The following ZDHHC17 variants were observed in gnomAD, a reference collection of about 807,000 sequenced individuals.
The protein encoded by ZDHHC17 is palmitoyltransferase ZDHHC17.
A neutral mutation model predicts 90.3 loss-of-function variants in ZDHHC17; 40 were observed. The observed-to-expected ratio is 0.44, with a 90% CI of 0.34 to 0.58. The LOEUF (loss-of-function observed/expected upper bound fraction) is 0.58, where lower values mean the gene tolerates loss of function less well. Ranked by LOEUF, ZDHHC17 falls within the 20% of genes least tolerant of loss-of-function variation. The pLI, the probability that ZDHHC17 is intolerant of heterozygous loss-of-function variation, is 0.01. For synonymous variants in ZDHHC17, 235 were observed against 252.4 expected (o/e 0.93, Z 0.65); for missense variants, 614 against 780.8 (o/e 0.79, Z 2.55).
chr12:76,829,455 CAAAAA>C (rs58051393), intron 10 of ZDHHC17, among the ~76,000 whole-genome samples: 8 of 71,904 alleles, frequency 1.1e-4, no homozygotes, highest in East Asian at 1.4e-3. Context: ...GACTATGTCT[CAAAAA>C]AAAAAAAAAA....
At chr12:76,850,337 T>C (rs1178544335) in intron 16 of ZDHHC17, among the ~76,000 whole-genome samples, 1 of 152,192 alleles carries the variant, frequency 6.6e-6, no homozygotes, top group Admixed American at 6.6e-5. Flanking sequence ...TTCATGCTAT[T>C]TATAATTATT....
chr12:76,837,192 G>C (rs555419025), intron 10 of ZDHHC17, among the ~76,000 whole-genome samples: 1 of 152,178 alleles, frequency 6.6e-6, no homozygotes, highest in South Asian at 2.1e-4. Context: ...CTGGAGTGCA[G>C]TGGCGTGATC....
intron 1 of ZDHHC17, among the ~76,000 whole-genome samples, chr12:76,776,525 A>G (rs1952562606): frequency 2.0e-5 from 3 of 152,194 alleles, no homozygotes; most frequent in East Asian, 3.8e-4. Context: ...ATGTTATGTT[A>G]TAAAATCTGT....
chr12:76,816,472 C>T (rs1325285769), intron 7 of ZDHHC17, among the ~76,000 whole-genome samples: 1 of 152,028 alleles, frequency 6.6e-6, no homozygotes, highest in Non-Finnish European at 1.5e-5. Flanking sequence ...GCAACGAACT[C>T]GTTCTGCGAA....
Position 76,764,164 on chromosome 12 carries a change from G to T in ZDHHC17, c.-73G>T. 8.3e-7 allele frequency: 1 copy of T among 1,208,074 alleles called. No homozygotes were observed. The highest frequency in any genetic ancestry group is 2.7e-5 in the Admixed American group (1 of 37,532). 74.8% of individuals were successfully genotyped at this position (1,208,074 alleles called of 1,614,324 possible). ...GGAGGAGGCCCGCGTCGCCTCCGGC[G>T]GGGCTCGCGCTCGCCCCGCGCTCGC... On this transcript the variant is annotated 5_prime_UTR_variant, in exon 1 of 17. Coordinates refer to ENST00000426126, the MANE Select transcript of ZDHHC17 (RefSeq NM_015336.4).
chr12:76,810,086 A>G (rs879374004), intron 5 of ZDHHC17, among the ~76,000 whole-genome samples: 10 of 152,226 alleles, frequency 6.6e-5, no homozygotes, highest in Non-Finnish European at 1.3e-4. Flanking sequence ...TATTTCTAAG[A>G]GTAATGGAGA....
chr12:76,804,945 A>G (rs1026902108), intron 2 of ZDHHC17, among the ~76,000 whole-genome samples: 15 of 152,166 alleles, frequency 9.9e-5, no homozygotes, highest in Admixed American at 7.9e-4. Flanking sequence ...CTTCTAAATC[A>G]TTTATATGCA....
chr12:76,842,850 ATAG>A (rs1467748188), intron 11 of ZDHHC17, 66 bp from the exon 12 acceptor site: 1 of 1,110,078 alleles, frequency 9.0e-7, no homozygotes, highest in Non-Finnish European at 1.3e-6. Flanking sequence ...TTATTGATTC[ATAG>A]TGGTGGCAAA....
intron 14 of ZDHHC17, among the ~76,000 whole-genome samples, chr12:76,847,616 G>A (rs1424991175): frequency 6.6e-6 from 1 of 152,216 alleles, no homozygotes; most frequent in African/African-American, 2.4e-5. Context: ...AACTTTGGGA[G>A]GCAGAGGCAG....
At chr12:76,835,629 T>G (rs1953353935) in intron 10 of ZDHHC17, among the ~76,000 whole-genome samples, 1 of 152,158 alleles carries the variant, frequency 6.6e-6, no homozygotes, top group Non-Finnish European at 1.5e-5. Context: ...TTATTATTTC[T>G]AATAACTTGG....
chr12:76,818,649 C>G (rs1953119952), intron 7 of ZDHHC17, among the ~76,000 whole-genome samples: 2 of 152,152 alleles, frequency 1.3e-5, no homozygotes, highest in Admixed American at 6.5e-5. Context: ...TGTAGAGGAA[C>G]ATGCAAGTGC....
Position 76,804,654 on chromosome 12 carries a change from G to A in ZDHHC17, c.198-663G>A, listed in dbSNP as rs376296035. Reference sequence around the variant, plus strand: ...CAAAACTTAAGCGTGGAAAAGGACGGGGTAAGGGGGATAATAAAACTTAGG... The same window carrying A: ...CAAAACTTAAGCGTGGAAAAGGACGAGGTAAGGGGGATAATAAAACTTAGG... On this transcript the variant is annotated intron_variant, in intron 2 of 16. Transcript: ENST00000426126. Among the ~76,000 whole-genome samples the A allele has an allele frequency of 6.4e-4, 97 of 152,272 alleles. 1 individual carries two copies. The highest frequency in any genetic ancestry group is 2.0e-3 in the African/African-American group (84 of 41,548).
chr12:76,837,937 G>A (rs1029298597), intron 10 of ZDHHC17, among the ~76,000 whole-genome samples: 4 of 152,078 alleles, frequency 2.6e-5, no homozygotes, highest in African/African-American at 7.2e-5. Context: ...ATAGGTGCAT[G>A]CCACCATGTC....
chr12:76,769,150 C>T (rs1262573986), intron 1 of ZDHHC17: 2 of 353,098 alleles, frequency 5.7e-6, no homozygotes, highest in Non-Finnish European at 1.2e-5. Context: ...CCTCAGCCTC[C>T]TGCGTTCAAG....
rs1466901414 is a variant in ZDHHC17 at position 76,788,696 on chromosome 12, T to A, written c.94-8738T>A. Among the ~76,000 whole-genome samples the A allele has an allele frequency of 2.9e-4, 38 of 129,164 alleles. 3 individuals are homozygous for A. The highest frequency in any genetic ancestry group is 8.4e-4 in the African/African-American group (29 of 34,470). The allele number at this position is 129,164 out of a possible 152,430, so 84.7% of individuals were successfully genotyped here. A position where few individuals can be genotyped will look rare whatever the true frequency, so the allele number is the denominator to read the frequency against. ...TTTAAGTTGGAATCGCAATTTTTTT[T>A]TTTTTTTTTTTTTTTTTTGAGCAGA... On this transcript the variant is annotated intron_variant, in intron 1 of 16. Coordinates refer to ENST00000426126, the MANE Select transcript of ZDHHC17 (RefSeq NM_015336.4).
intron 7 of ZDHHC17, among the ~76,000 whole-genome samples, chr12:76,820,168 G>GA (rs1265234925): frequency 1.3e-5 from 2 of 151,810 alleles, no homozygotes; most frequent in Non-Finnish European, 2.9e-5. Flanking sequence ...TGAAATTGTT[G>GA]AAAAAAAGTT....
Position 76,849,390 on chromosome 12 carries a change from T to C in ZDHHC17, c.1680T>C (p.Gly560=). 1 of 1,522,232 alleles carries C rather than the reference T, an allele frequency of 6.6e-7. No homozygotes were observed. The highest frequency in any genetic ancestry group is 8.9e-7 in the Non-Finnish European group (1 of 1,126,404). 94.3% of individuals were successfully genotyped at this position (1,522,232 alleles called of 1,614,324 possible). A position where few individuals can be genotyped will look rare whatever the true frequency, so the allele number is the denominator to read the frequency against. ...TTTCCTCTTAGATATCATGTTTAGG[T>C]ATTACTACAAATGAAAGAATGAATG... ...MCQMYQISCL[G]ITTNERMNAR... Residue 560 remains glycine, a synonymous_variant, in exon 16 of 17, where the codon GGT becomes GGC. Transcript: ENST00000426126.
intron 1 of ZDHHC17, among the ~76,000 whole-genome samples, chr12:76,770,678 C>T (rs1276358824): frequency 6.6e-6 from 1 of 152,136 alleles, no homozygotes; most frequent in Non-Finnish European, 1.5e-5. Flanking sequence ...TGGCTTACGC[C>T]TGTAATTGCG....
At chr12:76,812,960 C>T (rs1015600977) in intron 5 of ZDHHC17, among the ~76,000 whole-genome samples, 1 of 152,102 alleles carries the variant, frequency 6.6e-6, no homozygotes, top group African/African-American at 2.4e-5. Flanking sequence ...AGAGAATACC[C>T]ATACGTCCAG....
Sources: gnomAD v4.1 joint callset for allele counts (sites outside exome capture counted in the v4.1 genomes callset) on GRCh38, gnomAD v4.1.1 for gene constraint, MANE v1.5 for transcripts, NCBI Gene and HGNC (gene_info 2026-07-23, HGNC 2026-07-21) for gene names.